The following PPP1R8 variants were observed in gnomAD, a reference collection of about 807,000 sequenced individuals.
The protein encoded by PPP1R8 is nuclear inhibitor of protein phosphatase 1.
A neutral mutation model predicts 31.3 loss-of-function variants in PPP1R8; 4 were observed. The observed-to-expected ratio is 0.13, with a 90% CI of 0.06 to 0.29. The LOEUF is 0.29. Among genes scored for constraint, PPP1R8 ranks in the 10% least tolerant of loss-of-function variants. The pLI, the probability that PPP1R8 is intolerant of heterozygous loss-of-function variation, is 1.00. For missense variants in PPP1R8, 254 were observed against 440.1 expected, an observed-to-expected ratio of 0.58 and a Z score of 3.78; for synonymous variants, 170 against 169.7, an observed-to-expected ratio of 1.00 and a Z score of -0.01.
intron 3 of PPP1R8, among the ~76,000 whole-genome samples, chr1:27,839,715 T>G (rs1367036458): frequency 6.6e-6 from 1 of 152,192 alleles, no homozygotes; most frequent in Non-Finnish European, 1.5e-5. Context: ...TTATTCTGGT[T>G]CTTTATCCCA....
At chr1:27,840,528 G>A (rs568211798) in intron 3 of PPP1R8, among the ~76,000 whole-genome samples, 1 of 152,324 alleles carries the variant, frequency 6.6e-6, no homozygotes, top group East Asian at 1.9e-4. Context: ...ACTGCCACCA[G>A]GCCAGCAATT....
Position 27,850,469 on chromosome 1 carries a change from TG to T in PPP1R8, c.*26del. ...TGATATTTTTGGTCATGGAGAAGGG[TG>T]GGATTGGGTGGGAATGGGGTGGAAG... On this transcript the variant is annotated 3_prime_UTR_variant, in exon 7 of 7. Coordinates refer to ENST00000311772, the MANE Select transcript of PPP1R8 (RefSeq NM_014110.5). The T allele has an allele frequency of 2.4e-5, 10 of 422,822 alleles. No individual in the cohort carries two copies. Among genetic ancestry groups the T allele is most frequent in the Non-Finnish European group, 4.4e-5 (9 of 205,650 alleles). 26.2% of individuals were successfully genotyped at this position (422,822 alleles called of 1,614,324 possible).
In PPP1R8 at chr1:27,830,877, C is replaced by A; in HGVS notation, c.42C>A (p.Phe14Leu). The change falls in exon 1 of 7, where the codon TTC (phenylalanine) becomes TTA (leucine). Residue 14 changes from phenylalanine (F) to leucine (L), a missense_variant. Physicochemically the swap from Phe to Leu is conservative, Grantham distance 22. This residue lies in a region of PPP1R8 where 38 missense variants were observed against 18.6 expected (regional missense o/e 2.04). Transcript: ENST00000311772. ...AANSGSSLPL[F>L]DCPTWAGKPP... Reference sequence around the variant, plus strand: ...ACTCCGGCTCTAGCCTCCCGCTGTTCGACTGCCCAACCTGGTGAGTGGCGG... The same window carrying A: ...ACTCCGGCTCTAGCCTCCCGCTGTTAGACTGCCCAACCTGGTGAGTGGCGG... 1 of 1,572,858 alleles carries A rather than the reference C, an allele frequency of 6.4e-7. No individual in the cohort carries two copies. The highest frequency in any genetic ancestry group is 8.6e-7 in the Non-Finnish European group (1 of 1,160,038).
At chr1:27,848,295 C>T (rs1387428643) in intron 6 of PPP1R8, among the ~76,000 whole-genome samples, 1 of 152,056 alleles carries the variant, frequency 6.6e-6, no homozygotes, top group Non-Finnish European at 1.5e-5. Context: ...GTCCCAGCTA[C>T]TCAGGAGGCT....
At position 27,841,254 on chromosome 1, in the gene PPP1R8, A is replaced by C; in HGVS notation, c.492+20A>C. On this transcript the variant is annotated intron_variant, in intron 4 of 6. Coordinates refer to ENST00000311772, the MANE Select transcript of PPP1R8 (RefSeq NM_014110.5). ...CTTGATGTAATTCCCTGTTTATGTC[A>C]TTGTTTTGTCTTTGGGGACCCTGGT... 2 of 1,612,152 alleles carry C rather than the reference A, an allele frequency of 1.2e-6. No individual in the cohort carries two copies. The highest frequency in any genetic ancestry group is 1.7e-6 in the Non-Finnish European group (2 of 1,179,048).
chr1:27,832,956 G>A, intron 2 of PPP1R8, 140 bp downstream of exon 2: 2 of 696,278 alleles, frequency 2.9e-6, no homozygotes, highest in Non-Finnish European at 4.8e-6. Flanking sequence ...TCTGTTAAAA[G>A]CACATGGTGA....
At chr1:27,847,789 T>TA (rs2089300327) in intron 6 of PPP1R8, among the ~76,000 whole-genome samples, 1 of 152,188 alleles carries the variant, frequency 6.6e-6, no homozygotes. Flanking sequence ...TTAAAATACA[T>TA]ACCATGCTCC....
At chr1:27,849,371 C>CAAA (rs544902286) in intron 6 of PPP1R8, among the ~76,000 whole-genome samples, 3 of 77,450 alleles carry the variant, frequency 3.9e-5, no homozygotes, top group Non-Finnish European at 6.1e-5. Context: ...AACTCTGTCT[C>CAAA]AAAAAAAAAA....
chr1:27,833,787 A>C (rs1324896254), intron 2 of PPP1R8, among the ~76,000 whole-genome samples: 1 of 152,158 alleles, frequency 6.6e-6, no homozygotes, highest in Non-Finnish European at 1.5e-5. Flanking sequence ...GCTATCTGAG[A>C]TCTTTTGAAG....
chr1:27,830,800 G>A lies in PPP1R8; in HGVS notation c.-36G>A, dbSNP rs1392221396. 1 of 1,562,226 alleles carries A rather than the reference G, an allele frequency of 6.4e-7. No homozygotes were observed. Among genetic ancestry groups the A allele is most frequent in the Non-Finnish European group, 8.7e-7 (1 of 1,154,162 alleles). The stretch of plus-strand genomic sequence containing the variant: ...TCTCGGTCTTCCAGTTTCCCGGCGT[G>A]CTTAGGGCGCGCCAAATGGGAGGGG... On this transcript the variant is annotated 5_prime_UTR_variant, in exon 1 of 7. Coordinates refer to ENST00000311772, the MANE Select transcript of PPP1R8 (RefSeq NM_014110.5).
chr1:27,850,016 A>G (rs777470073), intron 6 of PPP1R8, 77 bp from the exon 7 acceptor site: 64 of 1,366,574 alleles, frequency 4.7e-5, no homozygotes, highest in Non-Finnish European at 3.7e-5. Context: ...GCTGGAATAG[A>G]AAAAGCTAAC....
chr1:27,839,106 G>A (rs1269042869), intron 3 of PPP1R8, among the ~76,000 whole-genome samples: 2 of 152,164 alleles, frequency 1.3e-5, no homozygotes, highest in African/African-American at 4.8e-5. Flanking sequence ...GCTCACATCT[G>A]TAGCTACTCA....
intron 5 of PPP1R8, among the ~76,000 whole-genome samples, chr1:27,843,996 T>A (rs2089248072): frequency 6.6e-6 from 1 of 152,192 alleles, no homozygotes; most frequent in Admixed American, 6.5e-5. Flanking sequence ...ATATGTTTTT[T>A]AATTTTTCTT....
At chr1:27,848,997 A>G (rs1252386640) in intron 6 of PPP1R8, among the ~76,000 whole-genome samples, 1 of 152,226 alleles carries the variant, frequency 6.6e-6, no homozygotes, top group Admixed American at 6.5e-5. Flanking sequence ...AGCCCTTTGC[A>G]GCAGCCCACT....
chr1:27,835,809 A>G (rs2089159072), intron 2 of PPP1R8, among the ~76,000 whole-genome samples: 1 of 152,238 alleles, frequency 6.6e-6, no homozygotes, highest in South Asian at 2.1e-4. Context: ...AACTGTGTGA[A>G]CTTGAGTATG....
chr1:27,843,559 T>C (rs1488659336), intron 5 of PPP1R8, among the ~76,000 whole-genome samples: 2 of 151,256 alleles, frequency 1.3e-5, no homozygotes, highest in African/African-American at 4.9e-5. Context: ...ACTTGGGAGG[T>C]TAAGGCAGGA....
At chr1:27,837,933 C>T (rs1348501608) in intron 2 of PPP1R8, among the ~76,000 whole-genome samples, 1 of 151,672 alleles carries the variant, frequency 6.6e-6, no homozygotes, top group African/African-American at 2.4e-5. Flanking sequence ...AAAAGTAGGC[C>T]AGGCTCGGTG....
chr1:27,844,765 T>C (rs2089257152), intron 5 of PPP1R8, among the ~76,000 whole-genome samples: 1 of 139,800 alleles, frequency 7.2e-6, no homozygotes, highest in African/African-American at 2.7e-5. Context: ...GCTGGAGTGC[T>C]GGAGTGCAGT....
At chr1:27,839,306 T>A (rs2089200092) in intron 3 of PPP1R8, among the ~76,000 whole-genome samples, 1 of 152,090 alleles carries the variant, frequency 6.6e-6, no homozygotes, top group African/African-American at 2.4e-5. Context: ...GGTGGGCGAA[T>A]CATTTGAGGC....
Sources: gnomAD v4.1 joint callset for allele counts (sites outside exome capture counted in the v4.1 genomes callset) on GRCh38, gnomAD v4.1.1 for gene constraint, gnomAD v4.1.1 regional missense constraint, MANE v1.5 for transcripts, NCBI Gene and HGNC (gene_info 2026-07-23, HGNC 2026-07-21) for gene names.